The following XYLT1 variants were observed in gnomAD, a reference collection of about 807,000 sequenced individuals.
XYLT1 encodes beta-D-xylosyltransferase 1.
In XYLT1, 36 loss-of-function variants were observed where a neutral mutation model predicts 91.3. The ratio of observed to expected loss-of-function variants is 0.39; its 90% CI spans 0.30 to 0.52. The LOEUF (loss-of-function observed/expected upper bound fraction) is 0.52. Among genes scored for constraint, XYLT1 ranks in the 20% least tolerant of loss-of-function variants. The pLI is 0.68. For missense variants in XYLT1, 1,242 were observed against 1,284.5 expected (o/e 0.97, Z 0.51); for synonymous variants, 588 against 532.0 (o/e 1.11, Z -1.45).
At chr16:17,147,585 G>T (rs536283003) in intron 6 of XYLT1, among the ~76,000 whole-genome samples, 14 of 152,286 alleles carry the variant, frequency 9.2e-5, no homozygotes, top group Non-Finnish European at 2.9e-5. Flanking sequence ...TGCTGCAAAC[G>T]CATGCTTTGG....
intron 2 of XYLT1, among the ~76,000 whole-genome samples, chr16:17,285,941 A>G (rs1439494075): frequency 1.3e-5 from 2 of 150,774 alleles, no homozygotes. Flanking sequence ...TGAGTGAGTG[A>G]GAGAGAGAGA....
At chr16:17,326,946 T>C (rs755720795) in intron 2 of XYLT1, among the ~76,000 whole-genome samples, 2 of 152,190 alleles carry the variant, frequency 1.3e-5, no homozygotes, top group Admixed American at 6.5e-5. Flanking sequence ...TGCAGAGCCA[T>C]GGAGCTGTGT....
At chr16:17,332,573 C>CACAT (rs2034915971) in intron 2 of XYLT1, among the ~76,000 whole-genome samples, 1 of 85,274 alleles carries the variant, frequency 1.2e-5, no homozygotes, top group Non-Finnish European at 2.7e-5. Flanking sequence ...CACATACACA[C>CACAT]ACACACACAC....
At chr16:17,356,909 G>A (rs957466715) in intron 2 of XYLT1, among the ~76,000 whole-genome samples, 2 of 152,064 alleles carry the variant, frequency 1.3e-5, no homozygotes, top group African/African-American at 4.8e-5. Flanking sequence ...GGACGCAGTG[G>A]CTCATGCCTG....
At position 17,470,356 on chromosome 16, in the gene XYLT1, C is replaced by T. The variant is rs528334882; in HGVS notation, c.363+78G>A. Reference sequence around the variant, plus strand: ...AGAGTCCCAGTCTGATGACCGAGTTCAAGGGCTAGGGGGGCGTGGGGTCGG... The same window carrying T: ...AGAGTCCCAGTCTGATGACCGAGTTTAAGGGCTAGGGGGGCGTGGGGTCGG... On this transcript the variant is annotated intron_variant, in intron 1 of 11. Coordinates refer to ENST00000261381, the MANE Select transcript of XYLT1 (RefSeq NM_022166.4). 440 of 1,204,118 alleles carry T rather than the reference C, an allele frequency of 3.7e-4. 1 individual carries two copies. Among genetic ancestry groups the T allele is most frequent in the Admixed American group, 1.2e-3 (28 of 22,864 alleles). The allele number at this position is 1,204,118 out of a possible 1,614,324, so 74.6% of individuals were successfully genotyped here.
At chr16:17,190,727 C>A (rs2032291713) in intron 5 of XYLT1, among the ~76,000 whole-genome samples, 1 of 152,068 alleles carries the variant, frequency 6.6e-6, no homozygotes, top group Admixed American at 6.6e-5. Context: ...CAAGTCTTTG[C>A]TCTTGTGAAC....
intron 11 of XYLT1, among the ~76,000 whole-genome samples, chr16:17,110,420 G>A (rs1274227524): frequency 1.3e-5 from 2 of 152,194 alleles, no homozygotes; most frequent in Admixed American, 6.5e-5. Flanking sequence ...GAATAAGTAA[G>A]TCTCATGAGA....
chr16:17,135,260 A>C (rs1163639371), intron 8 of XYLT1, among the ~76,000 whole-genome samples: 2 of 152,208 alleles, frequency 1.3e-5, no homozygotes, highest in Non-Finnish European at 2.9e-5. Flanking sequence ...TCCTTTAGAC[A>C]GCACCTAGGT....
intron 1 of XYLT1, among the ~76,000 whole-genome samples, chr16:17,405,536 C>T (rs955222711): frequency 1.3e-5 from 2 of 152,174 alleles, no homozygotes; most frequent in South Asian, 2.1e-4. Context: ...AGCAGGGAGC[C>T]CTTGGCAGCA....
At chr16:17,231,540 A>T (rs984586829) in intron 3 of XYLT1, among the ~76,000 whole-genome samples, 1 of 152,168 alleles carries the variant, frequency 6.6e-6, no homozygotes, top group African/African-American at 2.4e-5. Context: ...CAACGATGGG[A>T]TACATTCCGA....
In XYLT1 at chr16:17,213,017, A is replaced by G. The variant is rs554331765; in HGVS notation, c.914-12363T>C. Among the ~76,000 whole-genome samples, 3 of 152,286 alleles carry G rather than the reference A, an allele frequency of 2.0e-5. 1 individual carries two copies. In the South Asian group the frequency reaches 6.2e-4, roughly 32 times the overall value. On this transcript the variant is annotated intron_variant, in intron 3 of 11. Transcript: ENST00000261381. ...GGCTGAGCATTTTCTAACAGACTTG[A>G]TATGGTTTGGATCTGTGTCCCCAAC...
At chr16:17,138,560 G>C in intron 7 of XYLT1, 29 bp from the exon 8 acceptor site, 2 of 1,605,352 alleles carry the variant, frequency 1.2e-6, no homozygotes, top group Non-Finnish European at 1.7e-6. Flanking sequence ...CCCAGCCTGA[G>C]ACCTCTCCCA....
At chr16:17,145,419 G>C (rs566553982) in intron 6 of XYLT1, among the ~76,000 whole-genome samples, 4 of 152,348 alleles carry the variant, frequency 2.6e-5, no homozygotes, top group African/African-American at 7.2e-5. Context: ...AGCTGGGTCT[G>C]AGACTAGGTC....
intron 1 of XYLT1, among the ~76,000 whole-genome samples, chr16:17,462,453 G>T (rs1247856513): frequency 1.3e-5 from 2 of 152,322 alleles, no homozygotes; most frequent in South Asian, 4.1e-4. Context: ...CAATCGGGAA[G>T]GGGGCAACCG....
chr16:17,340,938 A>C (rs138039278), intron 2 of XYLT1, among the ~76,000 whole-genome samples: 36 of 152,328 alleles, frequency 2.4e-4, no homozygotes, highest in African/African-American at 6.7e-4. Context: ...CTCATATCTA[A>C]AATTCAAATC....
At chr16:17,426,229 T>C (rs2036317015) in intron 1 of XYLT1, among the ~76,000 whole-genome samples, 1 of 152,154 alleles carries the variant, frequency 6.6e-6, no homozygotes, top group Admixed American at 6.5e-5. Context: ...AAGATTATTT[T>C]AGATAGTGAT....
chr16:17,377,666 C>T (rs2035620511), intron 1 of XYLT1, among the ~76,000 whole-genome samples: 1 of 152,060 alleles, frequency 6.6e-6, no homozygotes, highest in South Asian at 2.1e-4. Context: ...CGCTCTGTTC[C>T]AAACATAACC....
intron 3 of XYLT1, among the ~76,000 whole-genome samples, chr16:17,232,930 G>A (rs933330264): frequency 6.6e-6 from 1 of 152,072 alleles, no homozygotes; most frequent in Admixed American, 6.6e-5. Flanking sequence ...CGTTTTCACT[G>A]ATTGCCCCCT....
At chr16:17,461,967 T>C (rs1448797939) in intron 1 of XYLT1, among the ~76,000 whole-genome samples, 1 of 152,212 alleles carries the variant, frequency 6.6e-6, no homozygotes, top group East Asian at 1.9e-4. Context: ...GTTTGGTGCA[T>C]TCGATAAATG....
Sources: allele counts gnomAD v4.1 joint callset (sites outside exome capture counted in the v4.1 genomes callset), GRCh38; gene constraint gnomAD v4.1.1; transcripts MANE v1.5; gene names NCBI Gene and HGNC (gene_info 2026-07-23, HGNC 2026-07-21).